Variants in CDKL3 observed in about 807,000 individuals in gnomAD.
CDKL3 encodes the protein cyclin dependent kinase like 3.
A neutral mutation model predicts 69.3 loss-of-function variants in CDKL3; 65 were observed. The ratio of observed to expected loss-of-function variants is 0.94; its 90% CI spans 0.77 to 1.15. The LOEUF (loss-of-function observed/expected upper bound fraction) is 1.15, where lower values mean the gene tolerates loss of function less well. CDKL3 is among the 50% of genes most tolerant of loss of function. The pLI is 0.00. For missense variants in CDKL3, 652 were observed against 689.2 expected (o/e 0.95, Z 0.61); for synonymous variants, 202 against 221.6 (o/e 0.91, Z 0.79).
chr5:134,308,868 G>A (rs920853815), intron 7 of CDKL3, 141 bp from the exon 8 acceptor site: 3 of 737,300 alleles, frequency 4.1e-6, no homozygotes, highest in South Asian at 2.9e-5. Context: ...GTCAAGAGAT[G>A]GCCCAACATT....
At chr5:134,331,172 TCCTTCAATTAGGGCAATCGTCC>T (rs1447923776) in intron 4 of CDKL3, among the ~76,000 whole-genome samples, 1 of 152,216 alleles carries the variant, frequency 6.6e-6, no homozygotes, top group Non-Finnish European at 1.5e-5. Flanking sequence ...CTATTAATCA[TCCTTCAATTAGGGCAATCGTCC>T]CCTTCAATTA....
intron 2 of CDKL3, among the ~76,000 whole-genome samples, chr5:134,365,753 G>T (rs985672151): frequency 6.6e-6 from 1 of 152,142 alleles, no homozygotes; most frequent in Admixed American, 6.5e-5. Flanking sequence ...AACTCTACAG[G>T]CACATGTCTT....
At chr5:134,314,870 G>A (rs977102780) in intron 6 of CDKL3, among the ~76,000 whole-genome samples, 8 of 152,106 alleles carry the variant, frequency 5.3e-5, no homozygotes, top group African/African-American at 1.2e-4. Context: ...GTTAGGTATC[G>A]TGTGTGTGTT....
chr5:134,342,653 G>A (rs1172659233), intron 4 of CDKL3, among the ~76,000 whole-genome samples: 1 of 151,776 alleles, frequency 6.6e-6, no homozygotes, highest in Non-Finnish European at 1.5e-5. Flanking sequence ...TAAATAAATG[G>A]CAAAACATTC....
intron 3 of CDKL3, among the ~76,000 whole-genome samples, chr5:134,359,165 G>A (rs998797538): frequency 1.1e-4 from 17 of 151,870 alleles, no homozygotes; most frequent in Admixed American, 6.6e-5. Context: ...GAGGAGCACC[G>A]TCATCTCGGA....
intron 4 of CDKL3, among the ~76,000 whole-genome samples, chr5:134,329,325 G>A (rs754827273): frequency 2.6e-5 from 4 of 151,930 alleles, no homozygotes; most frequent in Non-Finnish European, 5.9e-5. Flanking sequence ...GTAACAGAGT[G>A]AGATCCTGTC....
At chr5:134,302,014 A>ATC (rs1580793692) in intron 12 of CDKL3, 9 of 381,918 alleles carry the variant, frequency 2.4e-5, no homozygotes, top group Non-Finnish European at 4.2e-5. Context: ...GCTCAGCACA[A>ATC]TCTCTCTCTC....
downstream of CDKL3, among the ~76,000 whole-genome samples, chr5:134,297,890 TTGTGTG>T (rs528154005): frequency 0.14 from 15,013 of 105,038 alleles, 1,145 homozygotes; most frequent in Admixed American, 0.24. Context: ...CATGAATAGT[TTGTGTG>T]TGTGTGTGTG....
chr5:134,352,450 G>A (rs1753550810), intron 3 of CDKL3, among the ~76,000 whole-genome samples: 1 of 151,850 alleles, frequency 6.6e-6, no homozygotes, highest in Non-Finnish European at 1.5e-5. Context: ...ACAGGGACAT[G>A]CCACCACGCC....
At chr5:134,371,582 G>A (rs778920968), upstream of CDKL3, 5 of 1,612,454 alleles carry the variant, frequency 3.1e-6, no homozygotes, top group Non-Finnish European at 3.4e-6. Flanking sequence ...CTGACCGCGG[G>A]GCAGCTGCGG....
At position 134,321,857 on chromosome 5, in the gene CDKL3, T is replaced by C. The variant is rs1580962962; in HGVS notation, c.586A>G (p.Thr196Ala). 1 of 1,613,022 alleles carries C rather than the reference T, an allele frequency of 6.2e-7. No individual in the cohort carries two copies. Among genetic ancestry groups the C allele is most frequent in the African/African-American group, 1.3e-5 (1 of 75,004 alleles). ...ALGCMIIEMATGNPYLPSSSD... is the reference protein window; with the variant it reads ...ALGCMIIEMAAGNPYLPSSSD... ...CTACTAGGAAGATAGGGATTTCCAG[T>C]GGCCATCTCAATGATCATACAGCCC... is the stretch of plus-strand genomic sequence containing the variant. The change falls in exon 5 of 13, where the codon ACT becomes GCT. Residue 196 changes from threonine (T) to alanine (A), a missense_variant. Coordinates refer to ENST00000265334, the MANE Select transcript of CDKL3 (RefSeq NM_001113575.2).
At chr5:134,345,468 T>TCGTGTC in intron 4 of CDKL3, among the ~76,000 whole-genome samples, 1 of 152,172 alleles carries the variant, frequency 6.6e-6, no homozygotes, top group East Asian at 1.9e-4. Flanking sequence ...CACCTTTCAC[T>TCGTGTC]CGTGTCCGTG....
chr5:134,335,243 T>C lies in CDKL3; in HGVS notation c.540-13340A>G, dbSNP rs1776788971. Among the ~76,000 whole-genome samples the C allele has an allele frequency of 3.3e-5, 5 of 151,912 alleles. No homozygotes were observed. The South Asian group carries it at 1.0e-3, about 32-fold the overall frequency. ...TTGCATGTGAGATGGGTCCCCTGAATACAGCACACTGATGGGTCTTGACTC... is the reference window on the plus strand; with the variant it reads ...TTGCATGTGAGATGGGTCCCCTGAACACAGCACACTGATGGGTCTTGACTC... On this transcript the variant is annotated intron_variant, in intron 4 of 12. Transcript: ENST00000265334.
upstream of CDKL3, among the ~76,000 whole-genome samples, chr5:134,368,518 C>T (rs560390914): frequency 3.5e-5 from 5 of 143,836 alleles, no homozygotes; most frequent in Non-Finnish European, 7.5e-5. Flanking sequence ...ACTCGGGAGG[C>T]GGAGGCAGGA....
upstream of CDKL3, among the ~76,000 whole-genome samples, chr5:134,367,937 A>C (rs901417013): frequency 6.6e-6 from 1 of 152,244 alleles, no homozygotes; most frequent in African/African-American, 2.4e-5. Flanking sequence ...CCATATCACT[A>C]GACCAAGTGC....
At chr5:134,357,785 A>G (rs1329701173) in intron 3 of CDKL3, among the ~76,000 whole-genome samples, 2 of 152,114 alleles carry the variant, frequency 1.3e-5, no homozygotes, top group African/African-American at 4.8e-5. Flanking sequence ...CTTAGTCCAA[A>G]CCGTTACCAC....
At chr5:134,331,749 G>T (rs1775863364) in intron 4 of CDKL3, among the ~76,000 whole-genome samples, 1 of 152,124 alleles carries the variant, frequency 6.6e-6, no homozygotes, top group Non-Finnish European at 1.5e-5. Context: ...TGTGAATAGT[G>T]CCACAATAAA....
intron 3 of CDKL3, among the ~76,000 whole-genome samples, chr5:134,353,043 TAACA>T (rs1753715254): frequency 6.6e-6 from 1 of 152,216 alleles, no homozygotes; most frequent in African/African-American, 2.4e-5. Context: ...TCTAGTAGTT[TAACA>T]GTTTCAGATC....
chr5:134,346,024 T>C (rs1035749474), intron 4 of CDKL3, among the ~76,000 whole-genome samples: 2 of 152,092 alleles, frequency 1.3e-5, no homozygotes, highest in African/African-American at 4.8e-5. Flanking sequence ...CTCTCCTTTC[T>C]CCCCCAAGGT....
Sources: allele counts gnomAD v4.1 joint callset (sites outside exome capture counted in the v4.1 genomes callset), GRCh38; gene constraint gnomAD v4.1.1; transcripts MANE v1.5; gene names NCBI Gene and HGNC (gene_info 2026-07-23, HGNC 2026-07-21).